Variants in ANKRD55 observed in about 807,000 individuals in gnomAD.
The protein encoded by ANKRD55 is ankyrin repeat domain 55, also known as ankyrin repeat domain-containing protein 55.
A neutral mutation model predicts 60.6 loss-of-function variants in ANKRD55; 41 were observed. The ratio of observed to expected loss-of-function variants is 0.68; its 90% CI spans 0.53 to 0.88. The LOEUF (loss-of-function observed/expected upper bound fraction) is 0.88, where lower values mean the gene tolerates loss of function less well. ANKRD55 is among the 40% of genes least tolerant of loss of function. ANKRD55 has a pLI of 0.00. For missense variants in ANKRD55, 732 were observed against 767.6 expected (o/e 0.95, Z 0.55); for synonymous variants, 264 against 290.3 (o/e 0.91, Z 0.92).
chr5:56,141,645 G>A (rs6892650), intron 7 of ANKRD55, among the ~76,000 whole-genome samples: 2,203 of 152,218 alleles, frequency 0.014, 52 homozygotes, highest in African/African-American at 0.05. Context: ...GAGAGGGCAC[G>A]GAAGCTCCAT....
chr5:56,142,325 C>T (rs1419743883), intron 7 of ANKRD55, among the ~76,000 whole-genome samples: 1 of 152,050 alleles, frequency 6.6e-6, no homozygotes, highest in Non-Finnish European at 1.5e-5. Flanking sequence ...CAGAGTGAGA[C>T]TCCATTTCAG....
chr5:56,113,188 G>A (rs77659690), intron 9 of ANKRD55, among the ~76,000 whole-genome samples: 5,782 of 152,226 alleles, frequency 0.038, 153 homozygotes, highest in Middle Eastern at 0.14. Context: ...AGGGATCCCC[G>A]ACTTTTTAAG....
rs147756710 is a variant in ANKRD55, at chr5:56,132,052, T to C, written c.613-4946A>G. On this transcript the variant is annotated intron_variant, in intron 7 of 11. Transcript: ENST00000341048. ...ATATATATAAGCTTATGTATGCTTA[T>C]ATATAAGTAAAATGAATGACAGCAA... Among the ~76,000 whole-genome samples the C allele has an allele frequency of 3.1e-3, 469 of 151,928 alleles. 3 individuals carry two copies. Among genetic ancestry groups the C allele is most frequent in the African/African-American group, 0.011 (445 of 41,490 alleles).
In ANKRD55 at chr5:56,126,986, C is replaced by T. The variant is rs201555961; in HGVS notation, c.733G>A (p.Asp245Asn). ...ACTCTTGCCAGCTCATGAATAATAT[C>T]GCTGAAGCCCGCTGCCGCTGCGATA... ...VHIAAAAGFS[D>N]IIHELARVPE... Residue 245 changes from aspartate (D) to asparagine (N), a missense_variant, in exon 8 of 12, where the codon GAT becomes AAT. Asp to Asn is a conservative substitution (Grantham distance 23, BLOSUM62 1). Coordinates refer to ENST00000341048, the MANE Select transcript of ANKRD55 (RefSeq NM_024669.3). The T allele has an allele frequency of 7.4e-6, 12 of 1,613,540 alleles. No individual in the cohort carries two copies. The highest frequency in any genetic ancestry group is 2.2e-5 in the East Asian group (1 of 44,876).
chr5:56,158,839 A>G (rs1758256696), intron 6 of ANKRD55, among the ~76,000 whole-genome samples: 1 of 152,032 alleles, frequency 6.6e-6, no homozygotes, highest in Non-Finnish European at 1.5e-5. Context: ...GACTATAGGC[A>G]TGTGCCACCA....
chr5:56,228,924 G>A (rs1335437520), intron 2 of ANKRD55, among the ~76,000 whole-genome samples: 1 of 152,112 alleles, frequency 6.6e-6, no homozygotes, highest in Non-Finnish European at 1.5e-5. Flanking sequence ...CTGTGCAAGA[G>A]GGTGGACCAC....
intron 6 of ANKRD55, among the ~76,000 whole-genome samples, chr5:56,157,250 A>G (rs557043942): frequency 1.2e-3 from 176 of 152,330 alleles, no homozygotes; most frequent in African/African-American, 4.1e-3. Flanking sequence ...AAAAGTCATC[A>G]CCACTCCCTA....
chr5:56,212,034 G>A (rs2111875175), intron 2 of ANKRD55, among the ~76,000 whole-genome samples: 1 of 144,536 alleles, frequency 6.9e-6, no homozygotes, highest in African/African-American at 2.6e-5. Flanking sequence ...TCTAAGATTA[G>A]CATAAACTGG....
chr5:56,135,324 T>TTTCA (rs1561264079), intron 7 of ANKRD55, among the ~76,000 whole-genome samples: 1 of 16,004 alleles, frequency 6.2e-5, no homozygotes, highest in Non-Finnish European at 1.2e-4. Context: ...TCTTTCTTTC[T>TTTCA]TTCTTTCTTT....
intron 8 of ANKRD55, among the ~76,000 whole-genome samples, chr5:56,126,563 GT>G (rs1757263678): frequency 6.6e-6 from 1 of 151,072 alleles, no homozygotes; most frequent in Admixed American, 6.6e-5. Flanking sequence ...AAAAGAACTT[GT>G]GGACTTTATA....
intron 7 of ANKRD55, among the ~76,000 whole-genome samples, chr5:56,143,571 A>G (rs1437167625): frequency 1.3e-5 from 2 of 152,194 alleles, no homozygotes; most frequent in Admixed American, 6.5e-5. Context: ...AGAGAGAAAC[A>G]GAGAGAATGA....
intron 2 of ANKRD55, among the ~76,000 whole-genome samples, chr5:56,197,788 G>C (rs146470387): frequency 6.6e-6 from 1 of 152,230 alleles, no homozygotes; most frequent in African/African-American, 2.4e-5. Context: ...CCACTGATCG[G>C]CTTTTAATAT....
intron 2 of ANKRD55, among the ~76,000 whole-genome samples, chr5:56,228,031 C>T (rs375557845): frequency 1.1e-3 from 172 of 152,282 alleles, no homozygotes; most frequent in Admixed American, 3.3e-3. Context: ...CACAGTGTTG[C>T]GTGCTTTCTG....
chr5:56,133,438 C>CAA (rs56100693), intron 7 of ANKRD55, among the ~76,000 whole-genome samples: 17,091 of 59,280 alleles, frequency 0.29, 4,506 homozygotes, highest in Middle Eastern at 0.53. Context: ...GACTCCGTCT[C>CAA]AAAAAAAAAA....
rs776521927 is a variant in ANKRD55 at position 56,101,339 on chromosome 5, T to C, written c.1724-1035A>G. On this transcript the variant is annotated intron_variant, in intron 11 of 11. Coordinates refer to ENST00000341048, the MANE Select transcript of ANKRD55 (RefSeq NM_024669.3). ...AAGTACAGAAAGGTTGAGAAACTTA[T>C]CTGAAATAGGACAGCTCCTAAATCG... Among the ~76,000 whole-genome samples, 37 of 152,132 alleles carry C rather than the reference T, an allele frequency of 2.4e-4. 1 individual carries two copies. The highest frequency in any genetic ancestry group is 4.7e-4 in the Non-Finnish European group (32 of 68,028).
At chr5:56,229,935 C>T (rs1446953080) in intron 2 of ANKRD55, among the ~76,000 whole-genome samples, 4 of 152,146 alleles carry the variant, frequency 2.6e-5, no homozygotes, top group Admixed American at 2.6e-4. Context: ...TTAGTTCCCT[C>T]ATCTGAAATG....
chr5:56,153,262 A>AAAC (rs75381532), intron 6 of ANKRD55, among the ~76,000 whole-genome samples: 176 of 151,610 alleles, frequency 1.2e-3, no homozygotes, highest in South Asian at 5.6e-3. Flanking sequence ...CTTCCACTAA[A>AAAC]AACAACAACA....
chr5:56,212,884 A>G (rs1759711142), intron 2 of ANKRD55, among the ~76,000 whole-genome samples: 1 of 152,250 alleles, frequency 6.6e-6, no homozygotes, highest in Non-Finnish European at 1.5e-5. Context: ...AAAAATAAAT[A>G]TAAAACGAGA....
At chr5:56,124,171 C>T (rs561476519) in intron 8 of ANKRD55, among the ~76,000 whole-genome samples, 2 of 152,250 alleles carry the variant, frequency 1.3e-5, no homozygotes, top group East Asian at 1.9e-4. Flanking sequence ...CATATTAAAG[C>T]GGACTGTGAC....
Sources: gnomAD v4.1 joint callset for allele counts (sites outside exome capture counted in the v4.1 genomes callset) on GRCh38, gnomAD v4.1.1 for gene constraint, MANE v1.5 for transcripts, NCBI Gene and HGNC (gene_info 2026-07-23, HGNC 2026-07-21) for gene names.